LINGO2: variants seen among roughly 807,000 people sequenced by gnomAD.
LINGO2 encodes the protein leucine-rich repeat and immunoglobulin-like domain-containing nogo receptor-interacting protein 2.
In LINGO2, 14 loss-of-function variants were observed where a neutral mutation model predicts 30.6. The observed-to-expected ratio is 0.46, with a 90% CI of 0.30 to 0.72. The LOEUF (loss-of-function observed/expected upper bound fraction) is 0.72, where lower values mean the gene tolerates loss of function less well. LINGO2 is among the 30% of genes least tolerant of loss of function. LINGO2 has a pLI of 0.07. For synonymous variants in LINGO2, 317 were observed against 288.5 expected (o/e 1.10, Z -1.00); for missense variants, 729 against 751.7 (o/e 0.97, Z 0.35).
chr9:28,085,679 G>A (rs1825890037), intron 4 of LINGO2, among the ~76,000 whole-genome samples: 1 of 152,062 alleles, frequency 6.6e-6, no homozygotes, highest in Non-Finnish European at 1.5e-5. Flanking sequence ...CCCAGAGAAT[G>A]AGGCATGGAA....
chr9:28,262,270 CT>C (rs56166353), intron 4 of LINGO2, among the ~76,000 whole-genome samples: 120,073 of 151,098 alleles, frequency 0.79, 47,881 homozygotes, highest in Non-Finnish European at 0.83. Context: ...CTGAATATTA[CT>C]TTTTTTTTTG....
At chr9:28,511,896 A>T (rs1820400402) in intron 1 of LINGO2, among the ~76,000 whole-genome samples, 1 of 152,160 alleles carries the variant, frequency 6.6e-6, no homozygotes, top group Non-Finnish European at 1.5e-5. Flanking sequence ...GCTGTAGTAC[A>T]GCAGCTGTCC....
At chr9:28,986,961 C>T in the LINGO2 span, among the ~76,000 whole-genome samples, 1 of 151,354 alleles carries the variant, frequency 6.6e-6, no homozygotes, top group Non-Finnish European at 1.5e-5. Context: ...ACTGGAATTA[C>T]TCTCTTGATT....
chr9:28,953,640 G>C, the LINGO2 span, among the ~76,000 whole-genome samples: 8 of 151,928 alleles, frequency 5.3e-5, no homozygotes, highest in South Asian at 1.0e-3. Flanking sequence ...CAACCTGTGT[G>C]ATATATTATT....
chr9:28,066,230 A>T (rs917561485), intron 4 of LINGO2, among the ~76,000 whole-genome samples: 1 of 152,108 alleles, frequency 6.6e-6, no homozygotes, highest in Non-Finnish European at 1.5e-5. Flanking sequence ...TGATTGTCAC[A>T]TCACCTGGCA....
the LINGO2 span, among the ~76,000 whole-genome samples, chr9:29,099,280 A>C: frequency 6.6e-6 from 1 of 152,168 alleles, no homozygotes; most frequent in Non-Finnish European, 1.5e-5. Flanking sequence ...ATGAAACTAC[A>C]ACAAGAAAAC....
chr9:29,115,534 A>C, the LINGO2 span, among the ~76,000 whole-genome samples: 1 of 152,076 alleles, frequency 6.6e-6, no homozygotes, highest in East Asian at 1.9e-4. Context: ...AAAAATCAAA[A>C]CAGATAAAAA....
the LINGO2 span, among the ~76,000 whole-genome samples, chr9:28,911,761 A>C: frequency 2.0e-5 from 3 of 152,106 alleles, no homozygotes; most frequent in African/African-American, 7.2e-5. Flanking sequence ...GTGTGAAGAC[A>C]CATGTGCTCT....
intron 1 of LINGO2, among the ~76,000 whole-genome samples, chr9:28,668,273 A>G (rs2136035348): frequency 6.6e-6 from 1 of 152,182 alleles, no homozygotes; most frequent in Non-Finnish European, 1.5e-5. Context: ...CTGTAGGCAA[A>G]AGAAAAGGAA....
chr9:28,074,489 A>C (rs1825567324), intron 4 of LINGO2, among the ~76,000 whole-genome samples: 1 of 152,170 alleles, frequency 6.6e-6, no homozygotes, highest in Non-Finnish European at 1.5e-5. Context: ...GCTATGAAAG[A>C]CATGGCTTCT....
At chr9:28,898,970 G>C in the LINGO2 span, among the ~76,000 whole-genome samples, 135,860 of 152,194 alleles carry the variant, frequency 0.89, 60,953 homozygotes, top group Non-Finnish European at 0.94. Context: ...TCATTGAAAC[G>C]TTTTATGGTG....
At chr9:28,847,329 C>T in the LINGO2 span, among the ~76,000 whole-genome samples, 1 of 148,066 alleles carries the variant, frequency 6.8e-6, no homozygotes, top group Non-Finnish European at 1.5e-5. Context: ...CCCTCTCTGC[C>T]ATAGAAATAT....
the LINGO2 span, among the ~76,000 whole-genome samples, chr9:28,711,904 C>T: frequency 6.6e-6 from 1 of 152,070 alleles, no homozygotes; most frequent in African/African-American, 2.4e-5. Context: ...GGCAATGAGT[C>T]TATTAAAGAC....
In LINGO2 at chr9:27,984,190, T is replaced by G. The variant is rs973279028; in HGVS notation, c.-36+28165A>C. The stretch of plus-strand genomic sequence containing the variant: ...GAGTAGTTTTGAAGTTATTCTTGGT[T>G]GCCTGGGTTGTAGTCATTTAAGCAC... On this transcript the variant is annotated intron_variant, in intron 5 of 5. Transcript: ENST00000379992. Among the ~76,000 whole-genome samples, 3 of 152,012 alleles carry G rather than the reference T, an allele frequency of 2.0e-5. No homozygotes were observed. The East Asian group carries it at 5.8e-4, about 30-fold the overall frequency.
chr9:28,221,959 T>G (rs776557149), intron 4 of LINGO2, among the ~76,000 whole-genome samples: 19 of 152,320 alleles, frequency 1.2e-4, no homozygotes, highest in Non-Finnish European at 2.4e-4. Flanking sequence ...TTTGGAAAAC[T>G]AGCCCTCACA....
intron 4 of LINGO2, among the ~76,000 whole-genome samples, chr9:28,290,929 A>T (rs1428480753): frequency 6.6e-6 from 1 of 152,014 alleles, no homozygotes; most frequent in African/African-American, 2.4e-5. Flanking sequence ...TCCCACCCCA[A>T]CCCCAGCAGC....
At chr9:28,666,169 G>C (rs1183088511) in intron 1 of LINGO2, among the ~76,000 whole-genome samples, 1 of 152,008 alleles carries the variant, frequency 6.6e-6, no homozygotes, top group Non-Finnish European at 1.5e-5. Context: ...TGGGATTACA[G>C]GTGTGAGTCA....
chr9:28,938,161 T>C, the LINGO2 span, among the ~76,000 whole-genome samples: 3 of 152,194 alleles, frequency 2.0e-5, no homozygotes, highest in Admixed American at 1.3e-4. Flanking sequence ...TTTTGTCCCA[T>C]CTTTGTTCCT....
chr9:28,067,586 A>G (rs1209281603), intron 4 of LINGO2, among the ~76,000 whole-genome samples: 1 of 152,078 alleles, frequency 6.6e-6, no homozygotes. Flanking sequence ...TCTTCCCTGT[A>G]AAACATGGCA....
Sources: allele counts gnomAD v4.1 joint callset (sites outside exome capture counted in the v4.1 genomes callset), GRCh38; gene constraint gnomAD v4.1.1; transcripts MANE v1.5; gene names NCBI Gene and HGNC (gene_info 2026-07-23, HGNC 2026-07-21).